NUAK1: variants seen among roughly 807,000 people sequenced by gnomAD.
NUAK1 encodes NUAK family SNF1-like kinase 1.
In NUAK1, 26 loss-of-function variants were observed where a neutral mutation model predicts 56.9. That is an observed-to-expected ratio of 0.46 (90% CI 0.33 to 0.63). The LOEUF (loss-of-function observed/expected upper bound fraction) is 0.63, where lower values mean the gene tolerates loss of function less well. NUAK1 is among the 30% of genes least tolerant of loss of function. The pLI is 0.02. For missense variants in NUAK1, 727 were observed against 876.1 expected, an observed-to-expected ratio of 0.83 and a Z score of 2.15; for synonymous variants, 337 against 336.0, an observed-to-expected ratio of 1.00 and a Z score of -0.03.
intron 1 of NUAK1, among the ~76,000 whole-genome samples, chr12:106,120,976 C>T (rs2032968322): frequency 6.6e-6 from 1 of 152,194 alleles, no homozygotes; most frequent in African/African-American, 2.4e-5. Flanking sequence ...ACCTACGGGT[C>T]TGTTTAAAAA....
chr12:106,124,676 A>G (rs1317834460), intron 1 of NUAK1, among the ~76,000 whole-genome samples: 1 of 152,212 alleles, frequency 6.6e-6, no homozygotes, highest in Non-Finnish European at 1.5e-5. Flanking sequence ...TCTCCCTACC[A>G]TCCAGAGTGG....
At position 106,067,187 on chromosome 12, in the gene NUAK1, C is replaced by A. The variant is rs1222194861; in HGVS notation, c.1601G>T (p.Gly534Val). 1.2e-6 allele frequency: 2 copies of A among 1,614,072 alleles called. No individual in the cohort carries two copies. The highest frequency in any genetic ancestry group is 1.7e-5 in the Admixed American group (1 of 60,014). The change falls in exon 7 of 7, where the codon GGC becomes GTC. Residue 534 changes from glycine (G) to valine (V), a missense_variant. Physicochemically the swap from Gly to Val is moderately radical, Grantham distance 109. Transcript: ENST00000261402. This position sits in a 1 kb window ranked among gnomAD's most constrained non-coding sequence, Gnocchi z 6.0. Reference sequence around the variant, plus strand: ...GCTGACCAGGGCTGGGTCCATGGTGCCCGCTGAGTATTTGCTGCTGTGTTT... The same window carrying A: ...GCTGACCAGGGCTGGGTCCATGGTGACCGCTGAGTATTTGCTGCTGTGTTT... The part of the protein sequence containing the change: ...ILKHSSKYSA[G>V]TMDPALVSPE...
chr12:106,078,910 G>A lies in NUAK1; in HGVS notation c.579+4954C>T, dbSNP rs1361917632. 5.9e-5 allele frequency among the ~76,000 whole-genome samples: 9 copies of A among 152,194 alleles called. No individual in the cohort carries two copies. The East Asian group carries it at 7.7e-4, about 13-fold the overall frequency. On this transcript the variant is annotated intron_variant, in intron 4 of 6. Transcript: ENST00000261402. ...ACCATTAGCACTTGGAGAGTCTCTC[G>A]CAGTGATAGCTGTCTGCAAGCCTGC...
At chr12:106,128,236 A>G (rs773862815) in intron 1 of NUAK1, among the ~76,000 whole-genome samples, 13 of 149,926 alleles carry the variant, frequency 8.7e-5, no homozygotes, top group Non-Finnish European at 1.3e-4. Flanking sequence ...GGTTCAAGCG[A>G]TTCTCCTGCC....
At position 106,118,248 on chromosome 12, in the gene NUAK1, G is replaced by A. The variant is rs113018811; in HGVS notation, c.241-11723C>T. Among the ~76,000 whole-genome samples, 995 of 152,258 alleles carry A rather than the reference G, an allele frequency of 6.5e-3. 13 individuals are homozygous for A. The highest frequency in any genetic ancestry group is 0.023 in the African/African-American group (954 of 41,536). ...ATGAGATAAGCTAGAAATTTTGCAG[G>A]AGAGGAAAACAGAAACCAACAAGAA... is the stretch of plus-strand genomic sequence containing the variant. On this transcript the variant is annotated intron_variant, in intron 1 of 6. Transcript: ENST00000261402.
chr12:106,085,478 T>C (rs2032561150), intron 3 of NUAK1, among the ~76,000 whole-genome samples: 1 of 152,226 alleles, frequency 6.6e-6, no homozygotes, highest in African/African-American at 2.4e-5. Context: ...AGATCATTTA[T>C]ATGAAGAAGT....
At chr12:106,102,933 T>C (rs751207933) in intron 2 of NUAK1, among the ~76,000 whole-genome samples, 1 of 152,210 alleles carries the variant, frequency 6.6e-6, no homozygotes, top group African/African-American at 2.4e-5. Context: ...GAGGCCTTGA[T>C]AGAAATTATT....
chr12:106,069,073 G>T (rs58798055), intron 6 of NUAK1, among the ~76,000 whole-genome samples: 6,403 of 152,166 alleles, frequency 0.042, 172 homozygotes, highest in East Asian at 0.071. Flanking sequence ...ATTATATATA[G>T]AGAGAGAGAT....
chr12:106,107,146 AG>A (rs1340862934), intron 1 of NUAK1, among the ~76,000 whole-genome samples: 1 of 152,226 alleles, frequency 6.6e-6, no homozygotes, highest in Non-Finnish European at 1.5e-5. Context: ...GAGACAAATC[AG>A]GGTAAAACAA....
intron 4 of NUAK1, among the ~76,000 whole-genome samples, chr12:106,083,041 A>C (rs1252221693): frequency 6.6e-6 from 1 of 152,188 alleles, no homozygotes; most frequent in Non-Finnish European, 1.5e-5. Context: ...AAGGACATTC[A>C]GAGGGCTCCC....
intron 1 of NUAK1, among the ~76,000 whole-genome samples, chr12:106,111,128 T>TG (rs1160390222): frequency 2.0e-5 from 3 of 152,048 alleles, no homozygotes; most frequent in African/African-American, 4.8e-5. Context: ...ACCTGTAAAA[T>TG]GGGGTTACAA....
chr12:106,070,660 G>T, intron 6 of NUAK1, 114 bp downstream of exon 6: 1 of 1,362,966 alleles, frequency 7.3e-7, no homozygotes, highest in Non-Finnish European at 1.0e-6. Context: ...GAAGAAGAAA[G>T]AGGAAAACCA....
In NUAK1 at chr12:106,138,820, G is replaced by A. The variant is rs1381336386; in HGVS notation, c.-167C>T. On this transcript the variant is annotated 5_prime_UTR_variant, in exon 1 of 7. Coordinates refer to ENST00000261402, the MANE Select transcript of NUAK1 (RefSeq NM_014840.3). The surrounding 1 kb of genome is among the most constrained non-coding windows in gnomAD (Gnocchi z 5.0). ...GCGGCTCGGTCACTGGCGGCGGCGG[G>A]GACTGCACATCTGGCGCCCGCGGCG... The A allele has an allele frequency of 1.1e-6, 1 of 949,340 alleles. No individual in the cohort carries two copies. Among genetic ancestry groups the A allele is most frequent in the Non-Finnish European group, 1.4e-6 (1 of 703,080 alleles). The allele number at this position is 949,340 out of a possible 1,614,324, so 58.8% of individuals were successfully genotyped here.
Position 106,066,989 on chromosome 12 carries a change from C to A in NUAK1, c.1799G>T (p.Ser600Ile). Reference sequence around the variant, plus strand: ...GAGGAAGTTTTCTGCAGAGACGCAGCTGCGGATGCGCTGGCGGGCAGGGCG... The same window carrying A: ...GAGGAAGTTTTCTGCAGAGACGCAGATGCGGATGCGCTGGCGGGCAGGGCG... ...ENRPARQRIR[S>I]CVSAENFLQI... The change falls in exon 7 of 7, where the codon AGC (serine) becomes ATC (isoleucine). Residue 600 changes from serine (S) to isoleucine (I), a missense_variant. Transcript: ENST00000261402. 1.2e-6 allele frequency: 2 copies of A among 1,614,264 alleles called. No homozygotes were observed. The highest frequency in any genetic ancestry group is 1.7e-6 in the Non-Finnish European group (2 of 1,180,060).
chr12:106,136,619 G>C (rs937587172), intron 1 of NUAK1, among the ~76,000 whole-genome samples: 1 of 152,078 alleles, frequency 6.6e-6, no homozygotes, highest in Admixed American at 6.6e-5. Context: ...TTAGACTTTG[G>C]GGTCCCTTCA....
At chr12:106,117,534 A>G (rs1565926814) in intron 1 of NUAK1, among the ~76,000 whole-genome samples, 1 of 152,180 alleles carries the variant, frequency 6.6e-6, no homozygotes, top group Non-Finnish European at 1.5e-5. Context: ...AAATGGGCCT[A>G]CTTCACTTGA....
chr12:106,130,732 CT>C (rs1157185792), intron 1 of NUAK1, among the ~76,000 whole-genome samples: 1 of 152,182 alleles, frequency 6.6e-6, no homozygotes, highest in Admixed American at 6.5e-5. Flanking sequence ...GGACAGAAGC[CT>C]TTTCATATGT....
In NUAK1 at chr12:106,106,477, T is replaced by C. The variant is rs147433989; in HGVS notation, c.289A>G (p.Met97Val). 11 of 1,611,982 alleles carry C rather than the reference T, an allele frequency of 6.8e-6. No homozygotes were observed. Among genetic ancestry groups the C allele is most frequent in the African/African-American group, 6.7e-5 (5 of 74,904 alleles). Residue 97 changes from methionine to valine, a missense_variant, in exon 2 of 7, where the codon ATG becomes GTG. By Grantham distance (21) the Met-to-Val change is conservative. Coordinates refer to ENST00000261402, the MANE Select transcript of NUAK1 (RefSeq NM_014840.3). Reference sequence around the variant, plus strand: ...TCAATCTCTCGTCTGATGTGAACCATGTCTTGTTCATCCTTAATTTTGTCC... The same window carrying C: ...TCAATCTCTCGTCTGATGTGAACCACGTCTTGTTCATCCTTAATTTTGTCC... ...RKDKIKDEQDMVHIRREIEIM... is the reference protein window; with the variant it reads ...RKDKIKDEQDVVHIRREIEIM...
At chr12:106,100,399 C>G (rs2032735329) in intron 2 of NUAK1, among the ~76,000 whole-genome samples, 1 of 152,152 alleles carries the variant, frequency 6.6e-6, no homozygotes, top group African/African-American at 2.4e-5. Flanking sequence ...TTTGCGCATG[C>G]TGTTCCCTTT....
Sources: gnomAD v4.1 joint callset for allele counts (sites outside exome capture counted in the v4.1 genomes callset) on GRCh38, gnomAD v4.1.1 for gene constraint, Gnocchi (gnomAD v3.1) non-coding constraint, MANE v1.5 for transcripts, NCBI Gene and HGNC (gene_info 2026-07-23, HGNC 2026-07-21) for gene names.